DNAJA3: variants seen among roughly 807,000 people sequenced by gnomAD.
DNAJA3 encodes the protein dnaJ homolog subfamily A member 3, mitochondrial.
A neutral mutation model predicts 54.9 loss-of-function variants in DNAJA3; 29 were observed. That is an observed-to-expected ratio of 0.53 (90% CI 0.39 to 0.72). The LOEUF (loss-of-function observed/expected upper bound fraction) is 0.72. DNAJA3 is among the 30% of genes least tolerant of loss of function. DNAJA3 has a pLI of 0.00. For synonymous variants in DNAJA3, 302 were observed against 251.4 expected, an observed-to-expected ratio of 1.20 and a Z score of -1.90; for missense variants, 708 against 639.4, an observed-to-expected ratio of 1.11 and a Z score of -1.16.
At chr16:4,432,942 C>T (rs889140351) in intron 1 of DNAJA3, among the ~76,000 whole-genome samples, 1 of 151,868 alleles carries the variant, frequency 6.6e-6, no homozygotes, top group African/African-American at 2.4e-5. Flanking sequence ...GAGATCGAGA[C>T]CATCCTGGCT....
chr16:4,453,560 C>A (rs920019074), intron 10 of DNAJA3, among the ~76,000 whole-genome samples: 1 of 152,040 alleles, frequency 6.6e-6, no homozygotes, highest in Non-Finnish European at 1.5e-5. Flanking sequence ...GCCTCAGCCT[C>A]CCGAGTAGCT....
intron 1 of DNAJA3, 49 bp downstream of exon 1, chr16:4,426,141 G>C (rs28537572): frequency 6.8e-7 from 1 of 1,480,592 alleles, no homozygotes; most frequent in African/African-American, 1.5e-5. Context: ...GCCTAGAAAA[G>C]AGTGAGTCTC....
intron 1 of DNAJA3, chr16:4,431,563 G>A (rs555021524): frequency 6.6e-6 from 1 of 152,100 alleles, no homozygotes; most frequent in African/African-American, 2.4e-5. Flanking sequence ...TAGTCTCCCA[G>A]GCTTCCTAGA....
intron 11 of DNAJA3, 145 bp downstream of exon 11, chr16:4,455,072 AGGAGCT>A (rs2057020010): frequency 1.6e-6 from 1 of 642,436 alleles, no homozygotes. Flanking sequence ...TAGCTCCACT[AGGAGCT>A]GGCCTCTCAG....
In DNAJA3 at chr16:4,444,745, G is replaced by A. The variant is rs893714889; in HGVS notation, c.996+17G>A. The A allele has an allele frequency of 4.2e-5, 68 of 1,610,570 alleles. No homozygotes were observed. The highest frequency in any genetic ancestry group is 5.3e-5 in the Non-Finnish European group (62 of 1,177,404). ...ACGTTCAGGGTAGGTGCCCTGCCCC[G>A]CACAGCTTCTGTTGGGCCTTTCCTC... On this transcript the variant is annotated intron_variant, in intron 7 of 11. Coordinates refer to ENST00000262375, the MANE Select transcript of DNAJA3 (RefSeq NM_005147.6).
In DNAJA3 at chr16:4,442,928, G is replaced by C; in HGVS notation, c.784-89G>C. ...ATGCACATAAAAAACAAGCCTTAAA[G>C]AGACATTTTTCTTACGCACATTGTG... On this transcript the variant is annotated intron_variant, in intron 5 of 11. Coordinates refer to ENST00000262375, the MANE Select transcript of DNAJA3 (RefSeq NM_005147.6). 2.0e-6 allele frequency: 3 copies of C among 1,472,362 alleles called. No individual in the cohort carries two copies. In the Admixed American group the frequency reaches 5.7e-5, roughly 28 times the overall value. 91.2% of individuals were successfully genotyped at this position (1,472,362 alleles called of 1,614,324 possible). A position where few individuals can be genotyped will look rare whatever the true frequency, so the allele number is the denominator to read the frequency against.
intron 7 of DNAJA3, among the ~76,000 whole-genome samples, chr16:4,445,259 G>A (rs2056889627): frequency 6.6e-6 from 1 of 152,234 alleles, no homozygotes; most frequent in Admixed American, 6.5e-5. Flanking sequence ...GTGAGCCGTG[G>A]TGGTCAGAGG....
intron 8 of DNAJA3, among the ~76,000 whole-genome samples, chr16:4,448,276 C>T (rs967846190): frequency 3.3e-5 from 5 of 151,628 alleles, no homozygotes; most frequent in Non-Finnish European, 5.9e-5. Context: ...CTGCCTGCCT[C>T]AGCCCCCCAA....
intron 5 of DNAJA3, 89 bp from the exon 6 acceptor site, chr16:4,442,928 G>T: frequency 1.4e-6 from 2 of 1,472,360 alleles, no homozygotes; most frequent in Non-Finnish European, 1.9e-6. Flanking sequence ...AAGCCTTAAA[G>T]AGACATTTTT....
rs935741771 is a variant in DNAJA3 at position 4,445,618 on chromosome 16, T to G, written c.996+890T>G. Among the ~76,000 whole-genome samples, 4 of 152,304 alleles carry G rather than the reference T, an allele frequency of 2.6e-5. No homozygotes were observed. In the East Asian group the frequency reaches 7.7e-4, roughly 29 times the overall value. ...TAGGATGAAATGCAGTGGGGCAGTC[T>G]TGGCTCACTGTAGCCTCAGACTCCC... On this transcript the variant is annotated intron_variant, in intron 7 of 11. Transcript: ENST00000262375.
intron 2 of DNAJA3, among the ~76,000 whole-genome samples, chr16:4,437,123 A>C (rs1487842952): frequency 6.6e-6 from 1 of 152,148 alleles, no homozygotes; most frequent in Non-Finnish European, 1.5e-5. Context: ...GGCATGTGCC[A>C]CCACGCCTGA....
Position 4,448,828 on chromosome 16 carries a change from C to T in DNAJA3, c.1221C>T (p.His407=). The T allele has an allele frequency of 6.2e-7, 1 of 1,613,860 alleles. No homozygotes were observed. Among genetic ancestry groups the T allele is most frequent in the Non-Finnish European group, 8.5e-7 (1 of 1,179,864 alleles). ...NSYGYGDHYI[H]IKIRVPKRLT... ...ACGGCTACGGAGACCACTACATCCA[C>T]ATCAAGATACGAGTTCCAAAGTAAG... The change falls in exon 9 of 12, where the codon CAC becomes CAT. Residue 407 remains histidine, a synonymous_variant. Transcript: ENST00000262375.
At chr16:4,439,605 A>G (rs2056815067) in intron 3 of DNAJA3, among the ~76,000 whole-genome samples, 1 of 152,180 alleles carries the variant, frequency 6.6e-6, no homozygotes, top group Admixed American at 6.6e-5. Context: ...TGTTTCTGCC[A>G]GGGGCATGAG....
In DNAJA3 at chr16:4,450,444, A is replaced by T. The variant is rs1483586853; in HGVS notation, c.1286A>T (p.Glu429Val). Residue 429 changes from glutamate (E) to valine (V), a missense_variant, in exon 10 of 12, where the codon GAG (glutamate) becomes GTG (valine). Physicochemically the swap from Glu to Val is moderately radical, Grantham distance 121. Coordinates refer to ENST00000262375, the MANE Select transcript of DNAJA3 (RefSeq NM_005147.6). ...CAGAGCCTGATCCTGAGCTACGCCG[A>T]GGACGAGACAGATGTGGAGGGGACG... ...RQQSLILSYA[E>V]DETDVEGTVN... The T allele has an allele frequency of 1.2e-6, 2 of 1,612,376 alleles. No individual in the cohort carries two copies. Among genetic ancestry groups the T allele is most frequent in the Middle Eastern group, 1.7e-4 (1 of 6,060 alleles).
chr16:4,447,393 G>C, intron 8 of DNAJA3: 1 of 182,748 alleles, frequency 5.5e-6, no homozygotes, highest in Non-Finnish European at 1.1e-5. Flanking sequence ...AGTGATGGCT[G>C]CCTGTGTGCT....
In DNAJA3 at chr16:4,434,515, C is replaced by G. The variant is rs1226713376; in HGVS notation, c.343C>G (p.Gln115Glu). ...GAAAGAGATCAAGAAAGCCTATTAT[C>G]AGGTCTGTATGGAAGTCAGGTTTTG... The part of the protein sequence containing the change: ...SQKEIKKAYY[Q>E]LAKKYHPDTN... The change falls in exon 2 of 12, where the codon CAG becomes GAG. Residue 115 changes from glutamine to glutamate, a missense_variant and splice_region_variant. Physicochemically the swap from Gln to Glu is conservative, Grantham distance 29. Coordinates refer to ENST00000262375, the MANE Select transcript of DNAJA3 (RefSeq NM_005147.6). The G allele has an allele frequency of 6.2e-7, 1 of 1,611,004 alleles. No individual in the cohort carries two copies. The highest frequency in any genetic ancestry group is 8.5e-7 in the Non-Finnish European group (1 of 1,179,328).
chr16:4,455,885 T>C lies in DNAJA3; in HGVS notation c.*353T>C. ...TTGTGGATATCTTAGTTAAAGGCCATGCTTACAGCTTAGAAATGAAGCCTT... is the reference window on the plus strand; with the variant it reads ...TTGTGGATATCTTAGTTAAAGGCCACGCTTACAGCTTAGAAATGAAGCCTT... On this transcript the variant is annotated 3_prime_UTR_variant, in exon 12 of 12. Transcript: ENST00000262375. 2.0e-6 allele frequency: 1 copy of C among 487,996 alleles called. No homozygotes were observed. The allele number at this position is 487,996 out of a possible 1,614,324, so 30.2% of individuals were successfully genotyped here. A position where few individuals can be genotyped will look rare whatever the true frequency, so the allele number is the denominator to read the frequency against.
At chr16:4,428,487 A>T (rs1038539958) in intron 1 of DNAJA3, among the ~76,000 whole-genome samples, 2 of 152,198 alleles carry the variant, frequency 1.3e-5, no homozygotes, top group Admixed American at 1.3e-4. Flanking sequence ...ATTAATCCTT[A>T]GGTGACTTGT....
rs141074972 is a variant in DNAJA3 at position 4,439,663 on chromosome 16, G to A, written c.430-1712G>A. ...GTGTTGCTGACTTCTGTCTTCAAGG[G>A]GGATGTTATTAAACGGACCGAGCCT... On this transcript the variant is annotated intron_variant, in intron 3 of 11. Transcript: ENST00000262375. Among the ~76,000 whole-genome samples the A allele has an allele frequency of 2.7e-3, 418 of 152,274 alleles. 4 individuals are homozygous for A. Among genetic ancestry groups the A allele is most frequent in the African/African-American group, 9.6e-3 (400 of 41,546 alleles).
Sources: gnomAD v4.1 joint callset for allele counts (sites outside exome capture counted in the v4.1 genomes callset) on GRCh38, gnomAD v4.1.1 for gene constraint, MANE v1.5 for transcripts, NCBI Gene and HGNC (gene_info 2026-07-23, HGNC 2026-07-21) for gene names.